The following FKBP1B variants were observed in gnomAD, a reference collection of about 807,000 sequenced individuals.
FKBP1B encodes the protein FKBP prolyl isomerase 1B, also known as peptidyl-prolyl cis-trans isomerase FKBP1B.
FKBP1B carries 4 observed loss-of-function variants against 13.5 expected under a neutral mutation model. That is an observed-to-expected ratio of 0.30 (90% CI 0.15 to 0.68). The LOEUF is 0.68. FKBP1B is among the 30% of genes least tolerant of loss of function. The probability of loss-of-function intolerance (pLI) is 0.76; values close to 1 mark genes in which losing one functional copy is unlikely to be tolerated. For synonymous variants in FKBP1B, 54 were observed against 53.6 expected (o/e 1.01, Z -0.03); for missense variants, 93 against 136.2 (o/e 0.68, Z 1.58).
upstream of FKBP1B, among the ~76,000 whole-genome samples, chr2:24,045,532 C>A (rs1036791141): frequency 5.7e-5 from 8 of 140,030 alleles, no homozygotes; most frequent in African/African-American, 2.1e-4. Flanking sequence ...ACCCGGCTGG[C>A]GGAGGTTGCA....
intron 1 of FKBP1B, among the ~76,000 whole-genome samples, chr2:24,051,581 G>C (rs982946673): frequency 6.6e-6 from 1 of 152,180 alleles, no homozygotes; most frequent in African/African-American, 2.4e-5. Flanking sequence ...TTGAACGTGT[G>C]TGCTAGGCCC....
upstream of FKBP1B, among the ~76,000 whole-genome samples, chr2:24,048,671 G>C (rs1573675186): frequency 6.6e-6 from 1 of 151,686 alleles, no homozygotes; most frequent in Non-Finnish European, 1.5e-5. Flanking sequence ...AATAATGAGG[G>C]GGAAAAAATT....
chr2:24,058,070 G>C (rs1187098439), intron 2 of FKBP1B, among the ~76,000 whole-genome samples: 1 of 151,978 alleles, frequency 6.6e-6, no homozygotes, highest in East Asian at 2.0e-4. Flanking sequence ...GGTGGTGCAT[G>C]CCTGTAATCC....
intron 1 of FKBP1B, 25 bp downstream of exon 1, chr2:24,049,911 G>A: frequency 7.2e-7 from 1 of 1,392,286 alleles, no homozygotes; most frequent in South Asian, 1.5e-5. Flanking sequence ...CCGGAGCCAG[G>A]GGAGGGGAGG....
the FKBP1B span, among the ~76,000 whole-genome samples, chr2:24,042,366 T>A: frequency 6.6e-6 from 1 of 151,808 alleles, no homozygotes; most frequent in Non-Finnish European, 1.5e-5. Context: ...TGAAACCCTG[T>A]CTCTACTAAA....
intron 2 of FKBP1B, among the ~76,000 whole-genome samples, chr2:24,058,977 G>T (rs948883173): frequency 6.6e-6 from 1 of 152,156 alleles, no homozygotes; most frequent in Non-Finnish European, 1.5e-5. Flanking sequence ...TATTTTAGTT[G>T]TAGGAATTAG....
At chr2:24,035,864 A>T in the FKBP1B span, among the ~76,000 whole-genome samples, 1 of 151,812 alleles carries the variant, frequency 6.6e-6, no homozygotes, top group South Asian at 2.1e-4. Context: ...AGGTCAGGAG[A>T]TTGAGCTCAT....
At chr2:24,052,806 A>AT (rs570713277) in intron 1 of FKBP1B, among the ~76,000 whole-genome samples, 3 of 152,074 alleles carry the variant, frequency 2.0e-5, no homozygotes, top group South Asian at 2.1e-4. Context: ...GTCTCTACAA[A>AT]TTTTTTTTAA....
At chr2:24,034,241 T>G in the FKBP1B span, among the ~76,000 whole-genome samples, 1 of 152,000 alleles carries the variant, frequency 6.6e-6, no homozygotes, top group Non-Finnish European at 1.5e-5. Flanking sequence ...GCCAACATGG[T>G]GAAACCCCAT....
the FKBP1B span, chr2:24,033,365 G>C: frequency 4.2e-6 from 1 of 235,994 alleles, no homozygotes; most frequent in Non-Finnish European, 8.7e-6. Context: ...CAGAGGATTT[G>C]CATAAAATAA....
chr2:24,042,472 G>A, the FKBP1B span, among the ~76,000 whole-genome samples: 3 of 146,746 alleles, frequency 2.0e-5, no homozygotes, highest in Non-Finnish European at 4.4e-5. Flanking sequence ...GGAGGCAGAG[G>A]TTGCAGTGAA....
intron 1 of FKBP1B, among the ~76,000 whole-genome samples, chr2:24,052,671 G>C (rs1663932473): frequency 6.6e-6 from 1 of 152,096 alleles, no homozygotes; most frequent in Non-Finnish European, 1.5e-5. Context: ...CTGTCCATTA[G>C]AATATAAACT....
intron 2 of FKBP1B, among the ~76,000 whole-genome samples, chr2:24,059,346 G>A (rs1006743178): frequency 4.7e-5 from 7 of 147,562 alleles, no homozygotes; most frequent in Non-Finnish European, 1.0e-4. Flanking sequence ...AGAGGCTGGG[G>A]GAACCAGAAC....
chr2:24,063,461 A>T lies in FKBP1B; in HGVS notation c.*269A>T. 1 of 377,250 alleles carries T rather than the reference A, an allele frequency of 2.7e-6. No homozygotes were observed. The highest frequency in any genetic ancestry group is 4.7e-6 in the Non-Finnish European group (1 of 211,450). The allele number at this position is 377,250 out of a possible 1,614,324, so 23.4% of individuals were successfully genotyped here. A position where few individuals can be genotyped will look rare whatever the true frequency, so the allele number is the denominator to read the frequency against. On this transcript the variant is annotated 3_prime_UTR_variant, in exon 4 of 4. Coordinates refer to ENST00000380986, the MANE Select transcript of FKBP1B (RefSeq NM_004116.5). ...GCATGTAGTAGCCTTTCCTGATGACAGAACACAGATCTCTTGTTCGCACAA... is the reference window on the plus strand; with the variant it reads ...GCATGTAGTAGCCTTTCCTGATGACTGAACACAGATCTCTTGTTCGCACAA...
At chr2:24,035,077 T>C in the FKBP1B span, among the ~76,000 whole-genome samples, 1 of 151,762 alleles carries the variant, frequency 6.6e-6, no homozygotes, top group African/African-American at 2.4e-5. Context: ...ATCTAACATC[T>C]AATAAAATAT....
intron 2 of FKBP1B, among the ~76,000 whole-genome samples, chr2:24,057,734 C>T (rs1664200152): frequency 6.6e-6 from 1 of 151,952 alleles, no homozygotes; most frequent in South Asian, 2.1e-4. Flanking sequence ...CCAGGATGGT[C>T]TCAAACTCCT....
chr2:24,038,152 T>G, the FKBP1B span: 4 of 1,614,208 alleles, frequency 2.5e-6, no homozygotes, highest in East Asian at 2.2e-5. Context: ...GAAAGTAGAG[T>G]AGGTAGTCTG....
chr2:24,053,796 G>A lies in FKBP1B; in HGVS notation c.38-106G>A, dbSNP rs1011732735. The A allele has an allele frequency of 1.5e-5, 16 of 1,057,866 alleles. No individual in the cohort carries two copies. The African/African-American group carries it at 2.5e-4, about 16-fold the overall frequency. The allele number at this position is 1,057,866 out of a possible 1,614,324, so 65.5% of individuals were successfully genotyped here. A position where few individuals can be genotyped will look rare whatever the true frequency, so the allele number is the denominator to read the frequency against. ...AACTAGGGCCACAGGCATCTCCATG[G>A]CATGGAGGGGAATGCAGGCTGGAGC... is the stretch of plus-strand genomic sequence containing the variant. On this transcript the variant is annotated intron_variant, in intron 1 of 3. Coordinates refer to ENST00000380986, the MANE Select transcript of FKBP1B (RefSeq NM_004116.5).
chr2:24,060,302 G>T (rs1163072314), intron 2 of FKBP1B, among the ~76,000 whole-genome samples: 1 of 152,150 alleles, frequency 6.6e-6, no homozygotes, highest in African/African-American at 2.4e-5. Flanking sequence ...TGTAATCCCA[G>T]CACTTTGGGA....
Sources: allele counts gnomAD v4.1 joint callset (sites outside exome capture counted in the v4.1 genomes callset), GRCh38; gene constraint gnomAD v4.1.1; transcripts MANE v1.5; gene names NCBI Gene and HGNC (gene_info 2026-07-23, HGNC 2026-07-21).